The following AIG1 variants were observed in gnomAD, a reference collection of about 807,000 sequenced individuals.
AIG1 encodes androgen-induced gene 1 protein.
AIG1 carries 23 observed loss-of-function variants against 31.4 expected under a neutral mutation model. The ratio of observed to expected loss-of-function variants is 0.73; its 90% confidence interval spans 0.53 to 1.04. AIG1 has a LOEUF of 1.04. Among genes scored for constraint, AIG1 ranks in the 50% least tolerant of loss-of-function variants. The probability of loss-of-function intolerance (pLI) is 0.00; values close to 1 mark genes in which losing one functional copy is unlikely to be tolerated. For missense variants in AIG1, 274 were observed against 295.0 expected (o/e 0.93, Z 0.52); for synonymous variants, 100 against 110.5 (o/e 0.90, Z 0.60).
intron 4 of AIG1, among the ~76,000 whole-genome samples, chr6:143,307,471 C>T (rs1562577869): frequency 6.6e-6 from 1 of 152,218 alleles, no homozygotes; most frequent in Non-Finnish European, 1.5e-5. Context: ...CCACTCCAGA[C>T]CCTGTTTGCC....
chr6:143,297,942 C>T lies in AIG1; in HGVS notation c.515+13717C>T, dbSNP rs1798552151. On this transcript the variant is annotated intron_variant, in intron 4 of 5. Coordinates refer to ENST00000357847, the MANE Select transcript of AIG1 (RefSeq NM_016108.4). This position sits in a 1 kb window ranked among gnomAD's most constrained non-coding sequence, Gnocchi z 5.1. Reference sequence around the variant, plus strand: ...GTAGAAAAACAAGATGTGTAAGTCACCCATAAAGCTGAGAATTACGTACAA... The same window carrying T: ...GTAGAAAAACAAGATGTGTAAGTCATCCATAAAGCTGAGAATTACGTACAA... Among the ~76,000 whole-genome samples, 1 of 151,870 alleles carries T rather than the reference C, an allele frequency of 6.6e-6. No homozygotes were observed. Among genetic ancestry groups the T allele is most frequent in the Admixed American group, 6.6e-5 (1 of 15,250 alleles).
chr6:143,111,388 CTCT>C (rs1184860665), intron 1 of AIG1, among the ~76,000 whole-genome samples: 1 of 152,184 alleles, frequency 6.6e-6, no homozygotes, highest in African/African-American at 2.4e-5. Flanking sequence ...CTCCTTAAAA[CTCT>C]TCTTTTGCGG....
chr6:143,159,462 A>G (rs1413579860), intron 2 of AIG1, among the ~76,000 whole-genome samples: 1 of 152,246 alleles, frequency 6.6e-6, no homozygotes, highest in East Asian at 1.9e-4. Flanking sequence ...CATAACATCA[A>G]CAAGTGCTTT....
intron 2 of AIG1, among the ~76,000 whole-genome samples, chr6:143,138,322 T>G: frequency 6.6e-6 from 1 of 152,286 alleles, no homozygotes; most frequent in East Asian, 1.9e-4. Context: ...CATATAAAAT[T>G]CAAATACTTT....
intron 3 of AIG1, among the ~76,000 whole-genome samples, chr6:143,214,813 CATGTCTTGG>C (rs1397229577): frequency 2.0e-5 from 3 of 152,164 alleles, no homozygotes; most frequent in Non-Finnish European, 4.4e-5. Context: ...CTTTCCCCTC[CATGTCTTGG>C]CACCTGCTGC....
intron 1 of AIG1, among the ~76,000 whole-genome samples, chr6:143,114,026 G>A (rs1398260675): frequency 6.6e-6 from 1 of 152,064 alleles, no homozygotes; most frequent in Non-Finnish European, 1.5e-5. Context: ...CGCCTGCCTC[G>A]ACCTCCCAAA....
intron 4 of AIG1, among the ~76,000 whole-genome samples, chr6:143,315,188 G>A (rs11756509): frequency 0.27 from 40,300 of 151,850 alleles, 5,883 homozygotes; most frequent in East Asian, 0.46. Context: ...GAGATATTTC[G>A]TGGCAAAAGT....
intron 1 of AIG1, among the ~76,000 whole-genome samples, chr6:143,132,558 T>C (rs771413397): frequency 6.6e-6 from 1 of 152,128 alleles, no homozygotes; most frequent in Non-Finnish European, 1.5e-5. Flanking sequence ...GATACGGTTT[T>C]CTTTGTGTGT....
intron 3 of AIG1, chr6:143,186,630 CTAA>C (rs775466744): frequency 7.2e-5 from 11 of 152,342 alleles, no homozygotes; most frequent in South Asian, 4.1e-4. Context: ...TACGCACGTA[CTAA>C]TATGTCTTTT....
At chr6:143,190,101 A>G (rs1583463223) in intron 3 of AIG1, 1 of 879,430 alleles carries the variant, frequency 1.1e-6, no homozygotes, top group East Asian at 1.2e-4. Context: ...TCACTTCCCA[A>G]AGGGCCATCT....
rs1490440551 is a variant in AIG1 at position 143,280,640 on chromosome 6, A to G, written c.400-3470A>G. Among the ~76,000 whole-genome samples the G allele has an allele frequency of 3.3e-5, 5 of 152,220 alleles. No individual in the cohort carries two copies. The highest frequency in any genetic ancestry group is 6.5e-5 in the Admixed American group (1 of 15,282). On this transcript the variant is annotated intron_variant, in intron 3 of 5. Coordinates refer to ENST00000357847, the MANE Select transcript of AIG1 (RefSeq NM_016108.4). The surrounding 1 kb of genome is among the most constrained non-coding windows in gnomAD (Gnocchi z 4.1). ...GCAGGAACAGAAAACCAAACACCGC[A>G]TGTTCTCACTTATAAGTGGGAGCTA... is the stretch of plus-strand genomic sequence containing the variant.
At chr6:143,152,882 G>A (rs1562433480) in intron 2 of AIG1, among the ~76,000 whole-genome samples, 1 of 152,194 alleles carries the variant, frequency 6.6e-6, no homozygotes, top group Admixed American at 6.5e-5. Context: ...GGTTCTGTAG[G>A]TGGGAAAGAA....
chr6:143,200,984 G>A (rs1312461707), intron 3 of AIG1, among the ~76,000 whole-genome samples: 2 of 151,854 alleles, frequency 1.3e-5, no homozygotes, highest in African/African-American at 4.8e-5. Context: ...CTGAAATTTG[G>A]ACTCCCACAT....
At chr6:143,191,004 T>C (rs1242413882) in intron 3 of AIG1, among the ~76,000 whole-genome samples, 5 of 152,134 alleles carry the variant, frequency 3.3e-5, no homozygotes, top group African/African-American at 1.2e-4. Context: ...CTCCCTTACA[T>C]AGCTCCCTTA....
At chr6:143,157,486 C>T (rs73777894) in intron 2 of AIG1, among the ~76,000 whole-genome samples, 124 of 141,848 alleles carry the variant, frequency 8.7e-4, no homozygotes, top group African/African-American at 3.1e-3. Context: ...GATTTCCCTT[C>T]CTTTCTTGTG....
intron 3 of AIG1, among the ~76,000 whole-genome samples, chr6:143,247,320 C>T (rs55642690): frequency 0.025 from 3,777 of 152,284 alleles, 64 homozygotes; most frequent in Middle Eastern, 0.051. Context: ...TTAGTAGAGA[C>T]GGGGCTTCCC....
intron 1 of AIG1, among the ~76,000 whole-genome samples, chr6:143,134,306 A>C (rs1258477402): frequency 6.6e-6 from 1 of 150,486 alleles, no homozygotes; most frequent in Non-Finnish European, 1.5e-5. Context: ...GCATTTCTTC[A>C]TGTATTACTT....
intron 3 of AIG1, among the ~76,000 whole-genome samples, chr6:143,220,281 G>A (rs1792370188): frequency 6.6e-6 from 1 of 152,120 alleles, no homozygotes; most frequent in African/African-American, 2.4e-5. Context: ...TTATTACTAT[G>A]TACATATGTA....
chr6:143,305,276 G>A (rs1032264209), intron 4 of AIG1, among the ~76,000 whole-genome samples: 17 of 152,072 alleles, frequency 1.1e-4, no homozygotes, highest in African/African-American at 4.8e-5. Flanking sequence ...GCTTTTGAAT[G>A]TGTTTGCTCT....
Sources: gnomAD v4.1 joint callset for allele counts (sites outside exome capture counted in the v4.1 genomes callset) on GRCh38, gnomAD v4.1.1 for gene constraint, Gnocchi (gnomAD v3.1) non-coding constraint, MANE v1.5 for transcripts, NCBI Gene and HGNC (gene_info 2026-07-23, HGNC 2026-07-21) for gene names.